CEP57: variants seen among roughly 807,000 people sequenced by gnomAD.
CEP57 encodes centrosomal protein 57, also known as centrosomal protein of 57 kDa.
A neutral mutation model predicts 68.0 loss-of-function variants in CEP57; 40 were observed. The ratio of observed to expected loss-of-function variants is 0.59; its 90% CI spans 0.46 to 0.77. The LOEUF is 0.77. Ranked by LOEUF, CEP57 falls within the 30% of genes least tolerant of loss-of-function variation. The pLI, the probability that CEP57 is intolerant of heterozygous loss-of-function variation, is 0.00. For missense variants in CEP57, 606 were observed against 580.7 expected (o/e 1.04, Z -0.45); for synonymous variants, 219 against 198.7 (o/e 1.10, Z -0.86).
At chr11:95,806,976 G>A (rs1861831402) in intron 2 of CEP57, among the ~76,000 whole-genome samples, 1 of 152,190 alleles carries the variant, frequency 6.6e-6, no homozygotes, top group South Asian at 2.1e-4. Context: ...CCCAGTAGGG[G>A]CCGACTGACA....
chr11:95,824,149 CAG>C (rs1284689959), intron 8 of CEP57, among the ~76,000 whole-genome samples: 1 of 150,042 alleles, frequency 6.7e-6, no homozygotes, highest in African/African-American at 2.5e-5. Flanking sequence ...AGGAGGCTGA[CAG>C]AAGAGGATCA....
rs749225516 is a variant in CEP57 at position 95,829,219 on chromosome 11, A to T, written c.1160A>T (p.Glu387Val). Reference sequence around the variant, plus strand: ...CAGCAGCTTGCAAAACTTATCCAGGAGTCGCCAACCGTTGAACTGAAAGAC... The same window carrying T: ...CAGCAGCTTGCAAAACTTATCCAGGTGTCGCCAACCGTTGAACTGAAAGAC... ...DHQQLAKLIQ[E>V]SPTVELKDKL... is the part of the protein sequence containing the mutation. Residue 387 changes from glutamate to valine, a missense_variant, in exon 10 of 11, where the codon GAG becomes GTG. Coordinates refer to ENST00000325542, the MANE Select transcript of CEP57 (RefSeq NM_014679.5). 6.2e-7 allele frequency: 1 copy of T among 1,614,058 alleles called. No individual in the cohort carries two copies. Among genetic ancestry groups the T allele is most frequent in the Non-Finnish European group, 8.5e-7 (1 of 1,180,020 alleles).
At chr11:95,827,474 A>G (rs1198096960) in intron 8 of CEP57, 1 of 328,534 alleles carries the variant, frequency 3.0e-6, no homozygotes, top group African/African-American at 2.1e-5. Context: ...CTAATACACC[A>G]AAAAAATGTC....
At chr11:95,824,981 G>A (rs1234288940) in intron 8 of CEP57, among the ~76,000 whole-genome samples, 1 of 152,104 alleles carries the variant, frequency 6.6e-6, no homozygotes, top group Non-Finnish European at 1.5e-5. Context: ...GTAAGAGACT[G>A]CCTTTTAAAG....
chr11:95,806,532 G>C (rs1861808635), intron 2 of CEP57, among the ~76,000 whole-genome samples: 2 of 152,188 alleles, frequency 1.3e-5, no homozygotes, highest in African/African-American at 4.8e-5. Flanking sequence ...CTAATACTGT[G>C]CTTTTCCAAT....
rs1414813633 is a variant in CEP57 at position 95,829,419 on chromosome 11, A to G, written c.1272+88A>G. 8 of 1,295,368 alleles carry G rather than the reference A, an allele frequency of 6.2e-6. No individual in the cohort carries two copies. The East Asian group carries it at 1.4e-4, about 23-fold the overall frequency. 80.2% of individuals were successfully genotyped at this position (1,295,368 alleles called of 1,614,324 possible). On this transcript the variant is annotated intron_variant, in intron 10 of 10. Coordinates refer to ENST00000325542, the MANE Select transcript of CEP57 (RefSeq NM_014679.5). ...AATATTAAATGATGACACTAAGTGT[A>G]TCATAGATAAATATCTACAGGAGAT... is the stretch of plus-strand genomic sequence containing the variant.
At position 95,812,934 on chromosome 11, in the gene CEP57, A is replaced by G. The variant is rs1862131344; in HGVS notation, c.205A>G (p.Ile69Val). 3.1e-6 allele frequency: 5 copies of G among 1,613,912 alleles called. No homozygotes were observed. The highest frequency in any genetic ancestry group is 4.2e-6 in the Non-Finnish European group (5 of 1,179,922). The change falls in exon 3 of 11, where the codon ATA becomes GTA. Residue 69 changes from isoleucine to valine, a missense_variant and splice_region_variant. Ile to Val is a conservative substitution (Grantham distance 29). Transcript: ENST00000325542. ...ACGTTTGTGTTTGTATTTGGCAGCC[A>G]TATTTTCTGCTCTTAAGAATCTTCA... ...LAYPESNSRA[I>V]FSALKNLQDK... is the part of the protein sequence containing the mutation.
intron 2 of CEP57, among the ~76,000 whole-genome samples, chr11:95,810,395 AAG>A (rs1290901673): frequency 2.6e-5 from 4 of 152,208 alleles, no homozygotes; most frequent in African/African-American, 9.6e-5. Context: ...CAGTTAGGAA[AAG>A]AGGAAGTCAA....
intron 4 of CEP57, among the ~76,000 whole-genome samples, 177 bp downstream of exon 4, chr11:95,813,766 T>G (rs1036137667): frequency 6.6e-6 from 1 of 152,244 alleles, no homozygotes; most frequent in African/African-American, 2.4e-5. Flanking sequence ...TTGTTATTGT[T>G]GTGTTTCGTA....
intron 1 of CEP57, among the ~76,000 whole-genome samples, chr11:95,795,226 A>G (rs1310185114): frequency 1.3e-5 from 2 of 152,096 alleles, no homozygotes; most frequent in African/African-American, 4.8e-5. Flanking sequence ...TCTGAATGTT[A>G]TGTTACTCCA....
At position 95,829,273 on chromosome 11, in the gene CEP57, T is replaced by C. The variant is rs763862458; in HGVS notation, c.1214T>C (p.Val405Ala). Residue 405 changes from valine to alanine, a missense_variant, in exon 10 of 11, where the codon GTG (valine) becomes GCG (alanine). Val to Ala is a moderately conservative substitution (Grantham distance 64). Coordinates refer to ENST00000325542, the MANE Select transcript of CEP57 (RefSeq NM_014679.5). ...DKLECELEAL[V>A]GRMEAKANQI... is the part of the protein sequence containing the mutation. ...TTGGAGTGTGAATTGGAGGCATTAG[T>C]GGGAAGGATGGAAGCAAAAGCCAAC... The C allele has an allele frequency of 1.5e-5, 25 of 1,613,876 alleles. No homozygotes were observed. Among genetic ancestry groups the C allele is most frequent in the Non-Finnish European group, 2.1e-5 (25 of 1,179,964 alleles).
intron 2 of CEP57, among the ~76,000 whole-genome samples, chr11:95,807,085 G>T (rs1052323122): frequency 1.3e-5 from 2 of 152,130 alleles, no homozygotes; most frequent in African/African-American, 2.4e-5. Context: ...TGCAGCTTCC[G>T]TTGGTGATAC....
chr11:95,831,427 G>A lies in CEP57; in HGVS notation c.*171G>A. ...TTTCATGTATGCAGGATGACTCAATGTTAAAGCATTTAAATGGAAACCAGG... is the reference window on the plus strand; with the variant it reads ...TTTCATGTATGCAGGATGACTCAATATTAAAGCATTTAAATGGAAACCAGG... On this transcript the variant is annotated 3_prime_UTR_variant, in exon 11 of 11. Coordinates refer to ENST00000325542, the MANE Select transcript of CEP57 (RefSeq NM_014679.5). The A allele has an allele frequency of 1.8e-6, 1 of 564,852 alleles. No homozygotes were observed. Among genetic ancestry groups the A allele is most frequent in the Admixed American group, 3.3e-5 (1 of 30,330 alleles). The allele number at this position is 564,852 out of a possible 1,614,324, so 35.0% of individuals were successfully genotyped here.
chr11:95,794,367 C>G, intron 1 of CEP57: 1 of 455,142 alleles, frequency 2.2e-6, no homozygotes, highest in South Asian at 1.6e-5. Context: ...AGAGTATGTG[C>G]GTCTTCAGCT....
chr11:95,806,060 G>T (rs1041802207), intron 2 of CEP57, among the ~76,000 whole-genome samples: 4 of 152,190 alleles, frequency 2.6e-5, no homozygotes, highest in Admixed American at 6.5e-5. Context: ...AGACTGTGTT[G>T]TTAAAGCACT....
chr11:95,790,434 C>G, upstream of CEP57: 1 of 569,870 alleles, frequency 1.8e-6, no homozygotes, highest in Non-Finnish European at 3.1e-6. Context: ...GGATTCTCTC[C>G]TACTACAGAA....
intron 2 of CEP57, among the ~76,000 whole-genome samples, chr11:95,810,519 C>G (rs1862010513): frequency 6.6e-6 from 1 of 152,184 alleles, no homozygotes; most frequent in African/African-American, 2.4e-5. Flanking sequence ...GATACAAAAT[C>G]AATGTGCAAA....
Position 95,799,515 on chromosome 11 carries a change from C to T in CEP57, c.202+127C>T, listed in dbSNP as rs1861485832. Reference sequence around the variant, plus strand: ...CCCCTTTGCTTCCAGTTTCAGCCCCCAGAAAATATTATGCTTTTCTTGTAT... The same window carrying T: ...CCCCTTTGCTTCCAGTTTCAGCCCCTAGAAAATATTATGCTTTTCTTGTAT... On this transcript the variant is annotated intron_variant, in intron 2 of 10. Transcript: ENST00000325542. 4 of 1,123,138 alleles carry T rather than the reference C, an allele frequency of 3.6e-6. No individual in the cohort carries two copies. The East Asian group carries it at 9.7e-5, about 27-fold the overall frequency. The allele number at this position is 1,123,138 out of a possible 1,614,324, so 69.6% of individuals were successfully genotyped here.
At position 95,814,357 on chromosome 11, in the gene CEP57, ATTTTTTT is replaced by A. The variant is rs1170474932; in HGVS notation, c.504+782_504+788del. Among the ~76,000 whole-genome samples, 46 of 109,924 alleles carry A rather than the reference ATTTTTTT, an allele frequency of 4.2e-4. No homozygotes were observed. In the East Asian group the frequency reaches 0.011, roughly 25 times the overall value. 72.1% of individuals were successfully genotyped at this position (109,924 alleles called of 152,430 possible). A position where few individuals can be genotyped will look rare whatever the true frequency, so the allele number is the denominator to read the frequency against. On this transcript the variant is annotated intron_variant, in intron 4 of 10. Coordinates refer to ENST00000325542, the MANE Select transcript of CEP57 (RefSeq NM_014679.5). ...AGCCACTGTCCCTGGCCTTGTGTGT[ATTTTTTT>A]TTTTTTTTTTTTTGAGACGGAGTTT...
Sources: allele counts gnomAD v4.1 joint callset (sites outside exome capture counted in the v4.1 genomes callset), GRCh38; gene constraint gnomAD v4.1.1; transcripts MANE v1.5; gene names NCBI Gene and HGNC (gene_info 2026-07-23, HGNC 2026-07-21).